ATP10A: variants seen among roughly 807,000 people sequenced by gnomAD.
The protein encoded by ATP10A is ATPase phospholipid transporting 10A (putative).
In ATP10A, 111 loss-of-function variants were observed where a neutral mutation model predicts 147.8. That is an observed-to-expected ratio of 0.75 (90% CI 0.64 to 0.88). The LOEUF is 0.88. ATP10A is among the 40% of genes least tolerant of loss of function. ATP10A has a pLI of 0.00. For missense variants in ATP10A, 1,927 were observed against 1,959.0 expected (o/e 0.98, Z 0.31); for synonymous variants, 875 against 841.6 (o/e 1.04, Z -0.69).
chr15:25,747,535 A>G (rs12905490), intron 2 of ATP10A, among the ~76,000 whole-genome samples: 1 of 152,034 alleles, frequency 6.6e-6, no homozygotes. Context: ...TTATATAATA[A>G]CAGAAATAAA....
chr15:25,732,714 C>A (rs538911308), intron 3 of ATP10A, among the ~76,000 whole-genome samples: 13 of 151,982 alleles, frequency 8.6e-5, no homozygotes, highest in Middle Eastern at 6.8e-3. Flanking sequence ...CTCCATGACA[C>A]CTGGCTAGTT....
At chr15:25,845,123 C>G (rs886549081) in intron 1 of ATP10A, among the ~76,000 whole-genome samples, 1 of 152,206 alleles carries the variant, frequency 6.6e-6, no homozygotes, top group African/African-American at 2.4e-5. Context: ...CTCACAGAGC[C>G]CCTCTGGCTG....
chr15:25,679,227 T>C lies in ATP10A; in HGVS notation c.*114A>G. 1.2e-6 allele frequency: 1 copy of C among 866,080 alleles called. No homozygotes were observed. The highest frequency in any genetic ancestry group is 1.5e-6 in the Non-Finnish European group (1 of 659,560). 53.6% of individuals were successfully genotyped at this position (866,080 alleles called of 1,614,324 possible). A position where few individuals can be genotyped will look rare whatever the true frequency, so the allele number is the denominator to read the frequency against. ...TTTTTGGTACCTCTTGTTTCCTGTATTAGCCTGGGAAACATTTAGAAATAC... is the reference window on the plus strand; with the variant it reads ...TTTTTGGTACCTCTTGTTTCCTGTACTAGCCTGGGAAACATTTAGAAATAC... On this transcript the variant is annotated 3_prime_UTR_variant, in exon 21 of 21. Transcript: ENST00000555815.
chr15:25,845,324 G>T (rs1341225323), intron 1 of ATP10A, among the ~76,000 whole-genome samples: 1 of 100,842 alleles, frequency 9.9e-6, no homozygotes, highest in Non-Finnish European at 1.9e-5. Context: ...TTGTGTGTTT[G>T]TGTGTGTGTG....
chr15:25,846,660 G>C (rs183468562), intron 1 of ATP10A, among the ~76,000 whole-genome samples: 1 of 152,094 alleles, frequency 6.6e-6, no homozygotes, highest in Non-Finnish European at 1.5e-5. Flanking sequence ...GACATGTGCC[G>C]GACACGTGCC....
chr15:25,729,285 G>A lies in ATP10A; in HGVS notation c.741-2019C>T, dbSNP rs777369028. ...GCGGATCACTTGAGGTCAGGAGTTC[G>A]AGACCAGCCTGATCAATATGGTGAA... On this transcript the variant is annotated intron_variant, in intron 3 of 20. Coordinates refer to ENST00000555815, the MANE Select transcript of ATP10A (RefSeq NM_024490.4). Among the ~76,000 whole-genome samples, 3 of 152,166 alleles carry A rather than the reference G, an allele frequency of 2.0e-5. No homozygotes were observed. In the South Asian group the frequency reaches 6.2e-4, roughly 32 times the overall value.
intron 8 of ATP10A, 122 bp from the exon 9 acceptor site, chr15:25,717,046 A>T: frequency 1.7e-6 from 1 of 588,094 alleles, no homozygotes; most frequent in Non-Finnish European, 2.6e-6. Context: ...TCTCTCATAT[A>T]CATATATGTC....
At chr15:25,779,110 C>A (rs1889768740) in intron 2 of ATP10A, among the ~76,000 whole-genome samples, 2 of 152,160 alleles carry the variant, frequency 1.3e-5, no homozygotes, top group South Asian at 4.1e-4. Context: ...TTACTGACCT[C>A]AAGTGATCCA....
Position 25,701,986 on chromosome 15 carries a change from A to G in ATP10A, c.2690T>C (p.Val897Ala), listed in dbSNP as rs777952049. ...CAGTTTGCAGGCATATGCAATGTTG[A>G]CAGCTGTTTCTTGTTTGTCACCAGT... is the stretch of plus-strand genomic sequence containing the variant. ...VLTGDKQETA[V>A]NIAYACKLLD... Residue 897 changes from valine (V) to alanine (A), a missense_variant, in exon 13 of 21, where the codon GTC becomes GCC. Coordinates refer to ENST00000555815, the MANE Select transcript of ATP10A (RefSeq NM_024490.4). 3.1e-6 allele frequency: 5 copies of G among 1,614,134 alleles called. No individual in the cohort carries two copies. In the East Asian group the frequency reaches 1.1e-4, roughly 36 times the overall value.
intron 1 of ATP10A, among the ~76,000 whole-genome samples, chr15:25,816,201 C>G (rs1364497652): frequency 2.7e-5 from 4 of 148,932 alleles, no homozygotes; most frequent in Non-Finnish European, 4.4e-5. Flanking sequence ...AATGAAAGAT[C>G]TTATGTTGCT....
chr15:25,853,937 GT>G (rs1474234958), intron 1 of ATP10A, among the ~76,000 whole-genome samples: 1 of 142,916 alleles, frequency 7.0e-6, no homozygotes, highest in African/African-American at 2.6e-5. Context: ...GTTAGACCCT[GT>G]CTCAGAAAAA....
At chr15:25,738,873 C>T (rs1367492270) in intron 2 of ATP10A, among the ~76,000 whole-genome samples, 2 of 152,174 alleles carry the variant, frequency 1.3e-5, no homozygotes, top group African/African-American at 4.8e-5. Flanking sequence ...CCACCTTCAA[C>T]TTAGGATCTT....
intron 1 of ATP10A, among the ~76,000 whole-genome samples, chr15:25,854,913 A>G (rs115284486): frequency 0.029 from 4,382 of 152,232 alleles, 244 homozygotes; most frequent in African/African-American, 0.099. Context: ...TACAAAAATT[A>G]GCCAGGCATT....
intron 3 of ATP10A, among the ~76,000 whole-genome samples, chr15:25,734,284 C>T (rs1314319615): frequency 6.6e-6 from 1 of 152,208 alleles, no homozygotes; most frequent in Non-Finnish European, 1.5e-5. Context: ...CAGGCACCGC[C>T]CTGTCACACC....
chr15:25,739,552 T>C (rs557288555), intron 2 of ATP10A, among the ~76,000 whole-genome samples: 94 of 152,270 alleles, frequency 6.2e-4, no homozygotes, highest in South Asian at 1.0e-3. Context: ...ATGGTTCCAA[T>C]GAATCCCTGT....
At chr15:25,802,955 T>C (rs183372818) in intron 1 of ATP10A, among the ~76,000 whole-genome samples, 1 of 152,350 alleles carries the variant, frequency 6.6e-6, no homozygotes, top group African/African-American at 2.4e-5. Flanking sequence ...TAGGTGAAAC[T>C]GCATTTTACA....
rs368336447 is a variant in ATP10A at position 25,752,045 on chromosome 15, C to T, written c.655-15904G>A. Among the ~76,000 whole-genome samples, 4 of 152,246 alleles carry T rather than the reference C, an allele frequency of 2.6e-5. No individual in the cohort carries two copies. In the East Asian group the frequency reaches 7.7e-4, roughly 29 times the overall value. On this transcript the variant is annotated intron_variant, in intron 2 of 20. Coordinates refer to ENST00000555815, the MANE Select transcript of ATP10A (RefSeq NM_024490.4). ...TTGATGAGGATGTGAACAAAGGGAACACTCATATGCTGTTGATGGAAATAT... is the reference window on the plus strand; with the variant it reads ...TTGATGAGGATGTGAACAAAGGGAATACTCATATGCTGTTGATGGAAATAT...
At chr15:25,696,194 G>A (rs930642468) in intron 13 of ATP10A, among the ~76,000 whole-genome samples, 5 of 152,188 alleles carry the variant, frequency 3.3e-5, no homozygotes, top group South Asian at 2.1e-4. Flanking sequence ...TTCAACACAC[G>A]CTTACTGAGG....
intron 2 of ATP10A, among the ~76,000 whole-genome samples, chr15:25,778,398 TC>T (rs1889731760): frequency 6.6e-6 from 1 of 152,076 alleles, no homozygotes; most frequent in Non-Finnish European, 1.5e-5. Flanking sequence ...GAGACTTGCT[TC>T]CTTTACTTTC....
Sources: allele counts gnomAD v4.1 joint callset (sites outside exome capture counted in the v4.1 genomes callset), GRCh38; gene constraint gnomAD v4.1.1; transcripts MANE v1.5; gene names NCBI Gene and HGNC (gene_info 2026-07-23, HGNC 2026-07-21).